LCLAT1: variants seen among roughly 807,000 people sequenced by gnomAD.
LCLAT1 encodes lysocardiolipin acyltransferase 1, also known as 1-AGP acyltransferase 8.
LCLAT1 carries 11 observed loss-of-function variants against 30.7 expected under a neutral mutation model. That is an observed-to-expected ratio of 0.36 (90% CI 0.23 to 0.59). LCLAT1 has a LOEUF of 0.59. LCLAT1 is among the 20% of genes least tolerant of loss of function. The pLI is 0.77. For missense variants in LCLAT1, 402 were observed against 458.6 expected (o/e 0.88, Z 1.13); for synonymous variants, 155 against 151.3 (o/e 1.02, Z -0.18).
chr2:30,516,327 C>T (rs751709711), intron 1 of LCLAT1, among the ~76,000 whole-genome samples: 40 of 152,180 alleles, frequency 2.6e-4, no homozygotes, highest in African/African-American at 9.2e-4. Context: ...CACTCGCCGT[C>T]CACCACTGCT....
chr2:30,449,049 C>G (rs1431752675), intron 1 of LCLAT1, among the ~76,000 whole-genome samples: 1 of 152,186 alleles, frequency 6.6e-6, no homozygotes, highest in African/African-American at 2.4e-5. Flanking sequence ...TCTAGCATCA[C>G]TGTGAGGCGG....
intron 3 of LCLAT1, among the ~76,000 whole-genome samples, chr2:30,535,549 A>G (rs1251285275): frequency 6.6e-6 from 1 of 152,230 alleles, no homozygotes; most frequent in Non-Finnish European, 1.5e-5. Flanking sequence ...GACACCAATG[A>G]TGTTGATAAA....
intron 5 of LCLAT1, among the ~76,000 whole-genome samples, chr2:30,579,654 G>C (rs1005222880): frequency 6.6e-5 from 10 of 152,080 alleles, no homozygotes; most frequent in Admixed American, 1.3e-4. Context: ...GTGTAGTCAG[G>C]GTTACTCAGC....
chr2:30,485,672 C>A (rs942247959), intron 1 of LCLAT1, among the ~76,000 whole-genome samples: 1 of 152,022 alleles, frequency 6.6e-6, no homozygotes, highest in African/African-American at 2.4e-5. Flanking sequence ...TTACTTTCTT[C>A]ATTGCTGTAT....
At chr2:30,597,251 G>A (rs1287349180) in intron 5 of LCLAT1, among the ~76,000 whole-genome samples, 13 of 151,632 alleles carry the variant, frequency 8.6e-5, no homozygotes, top group African/African-American at 1.5e-4. Flanking sequence ...CCAATTTCAC[G>A]ATATTGATTC....
chr2:30,587,847 A>C (rs149882476), intron 5 of LCLAT1, among the ~76,000 whole-genome samples: 65 of 152,340 alleles, frequency 4.3e-4, no homozygotes, highest in African/African-American at 1.0e-3. Flanking sequence ...ATCCAAGATC[A>C]ATGATTAAAA....
rs1669251431 is a variant in LCLAT1, at chr2:30,640,538, T to G, written c.1050T>G (p.Phe350Leu). The change falls in exon 6 of 6, where the codon TTT (phenylalanine) becomes TTG (leucine). Residue 350 changes from phenylalanine (F) to leucine (L), a missense_variant. By Grantham distance (22) the Phe-to-Leu change is conservative. Transcript: ENST00000379509. ...IVIFVLQERIFGGLEIIELAC... is the reference protein window; with the variant it reads ...IVIFVLQERILGGLEIIELAC... Reference sequence around the variant, plus strand: ...TCTTTGTGCTGCAAGAGAGAATATTTGGTGGACTGGAGATCATAGAACTTG... The same window carrying G: ...TCTTTGTGCTGCAAGAGAGAATATTGGGTGGACTGGAGATCATAGAACTTG... The G allele has an allele frequency of 6.2e-7, 1 of 1,614,164 alleles. No individual in the cohort carries two copies. The highest frequency in any genetic ancestry group is 1.1e-5 in the South Asian group (1 of 91,062).
chr2:30,642,499 T>G lies in LCLAT1; in HGVS notation c.*1880T>G, dbSNP rs1441098889. ...GTTTCTCTAAGATTTCCTTTGGTTG[T>G]ATTTAGAAACACAAATAGTTTTATA... On this transcript the variant is annotated 3_prime_UTR_variant, in exon 6 of 6. Coordinates refer to ENST00000379509, the MANE Select transcript of LCLAT1 (RefSeq NM_001002257.3). 1 of 152,066 alleles carries G rather than the reference T, an allele frequency of 6.6e-6. No homozygotes were observed. The highest frequency in any genetic ancestry group is 1.5e-5 in the Non-Finnish European group (1 of 68,008). The allele number at this position is 152,066 out of a possible 1,614,324, so 9.4% of individuals were successfully genotyped here. A position where few individuals can be genotyped will look rare whatever the true frequency, so the allele number is the denominator to read the frequency against.
chr2:30,630,525 T>G (rs184847617), intron 5 of LCLAT1, among the ~76,000 whole-genome samples: 1 of 152,366 alleles, frequency 6.6e-6, no homozygotes, highest in African/African-American at 2.4e-5. Context: ...CTATTACCTT[T>G]TGTAATAAGG....
intron 3 of LCLAT1, among the ~76,000 whole-genome samples, chr2:30,536,397 C>T (rs997383954): frequency 2.6e-5 from 4 of 152,102 alleles, no homozygotes; most frequent in Admixed American, 6.5e-5. Flanking sequence ...AGAAAGGTGT[C>T]GAATCACATA....
intron 3 of LCLAT1, among the ~76,000 whole-genome samples, chr2:30,556,725 T>TA (rs1205383203): frequency 5.4e-5 from 8 of 148,548 alleles, no homozygotes; most frequent in Admixed American, 4.7e-4. Context: ...AGAACAGAAA[T>TA]AGAGTATTTA....
intron 5 of LCLAT1, among the ~76,000 whole-genome samples, chr2:30,586,574 A>G (rs1007476734): frequency 6.6e-6 from 1 of 152,214 alleles, no homozygotes; most frequent in African/African-American, 2.4e-5. Flanking sequence ...TTGCAGATGT[A>G]AAGTCACATT....
At chr2:30,525,188 T>C (rs1393930984) in intron 1 of LCLAT1, among the ~76,000 whole-genome samples, 1 of 152,042 alleles carries the variant, frequency 6.6e-6, no homozygotes, top group Non-Finnish European at 1.5e-5. Context: ...CACTGTAACA[T>C]CTACCTCAGC....
chr2:30,563,547 A>G (rs1665337132), intron 4 of LCLAT1, among the ~76,000 whole-genome samples: 1 of 152,224 alleles, frequency 6.6e-6, no homozygotes, highest in Non-Finnish European at 1.5e-5. Context: ...AGTGGATCTT[A>G]CAGCTCTGCT....
rs140416554 is a variant in LCLAT1 at position 30,559,081 on chromosome 2, A to G, written c.365-3065A>G. Among the ~76,000 whole-genome samples the G allele has an allele frequency of 3.0e-4, 45 of 152,308 alleles. No individual in the cohort carries two copies. The East Asian group carries it at 8.5e-3, about 29-fold the overall frequency. On this transcript the variant is annotated intron_variant, in intron 3 of 5. Coordinates refer to ENST00000379509, the MANE Select transcript of LCLAT1 (RefSeq NM_001002257.3). ...AACATGGATGAATCTCATAGACGAAATATTGAGCATAAGAAGCAAAATACA... is the reference window on the plus strand; with the variant it reads ...AACATGGATGAATCTCATAGACGAAGTATTGAGCATAAGAAGCAAAATACA...
intron 5 of LCLAT1, among the ~76,000 whole-genome samples, chr2:30,585,899 G>A (rs1241594728): frequency 2.6e-5 from 4 of 152,064 alleles, no homozygotes; most frequent in Non-Finnish European, 5.9e-5. Context: ...TAAACTCTTG[G>A]TTGCTGTATT....
At chr2:30,533,065 C>A in intron 2 of LCLAT1, 51 bp from the exon 3 acceptor site, 1 of 1,289,914 alleles carries the variant, frequency 7.8e-7, no homozygotes, top group Non-Finnish European at 1.1e-6. Context: ...TAAAATTTAC[C>A]TATGGAAAAT....
intron 5 of LCLAT1, among the ~76,000 whole-genome samples, chr2:30,585,713 T>C (rs1666404606): frequency 6.6e-6 from 1 of 152,202 alleles, no homozygotes; most frequent in African/African-American, 2.4e-5. Flanking sequence ...CTGTGGTCCA[T>C]TGTTTAAACC....
rs1411821152 is a variant in LCLAT1, at chr2:30,640,669, C to G, written c.*50C>G. ...ACCTAGAGCATATTTTGGAAATGTT[C>G]TAAACCTTTCTAAGCTCAGATGCAT... On this transcript the variant is annotated 3_prime_UTR_variant, in exon 6 of 6. Coordinates refer to ENST00000379509, the MANE Select transcript of LCLAT1 (RefSeq NM_001002257.3). The G allele has an allele frequency of 6.6e-7, 1 of 1,518,798 alleles. No individual in the cohort carries two copies. The highest frequency in any genetic ancestry group is 8.8e-7 in the Non-Finnish European group (1 of 1,137,870). 94.1% of individuals were successfully genotyped at this position (1,518,798 alleles called of 1,614,324 possible). A position where few individuals can be genotyped will look rare whatever the true frequency, so the allele number is the denominator to read the frequency against.
Sources: gnomAD v4.1 joint callset for allele counts (sites outside exome capture counted in the v4.1 genomes callset) on GRCh38, gnomAD v4.1.1 for gene constraint, MANE v1.5 for transcripts, NCBI Gene and HGNC (gene_info 2026-07-23, HGNC 2026-07-21) for gene names.